MGMT: variants seen among roughly 807,000 people sequenced by gnomAD.
The protein encoded by MGMT is O-6-methylguanine-DNA methyltransferase, also known as methylated-DNA--protein-cysteine methyltransferase.
In MGMT, 14 loss-of-function variants were observed where a neutral mutation model predicts 15.9. The observed-to-expected ratio is 0.88, with a 90% CI of 0.58 to 1.37. The LOEUF is 1.37. Among genes scored for constraint, MGMT ranks in the 40% most tolerant of loss-of-function variants. The pLI is 0.00. For synonymous variants in MGMT, 130 were observed against 118.2 expected (o/e 1.10, Z -0.65); for missense variants, 282 against 268.1 (o/e 1.05, Z -0.36).
chr10:129,562,257 G>A (rs899050450), intron 2 of MGMT, among the ~76,000 whole-genome samples: 7 of 152,176 alleles, frequency 4.6e-5, no homozygotes, highest in African/African-American at 1.2e-4. Flanking sequence ...TTGATAGAGC[G>A]TTGAAAACTC....
chr10:129,619,413 T>A (rs1429062584), intron 2 of MGMT, among the ~76,000 whole-genome samples: 1 of 152,218 alleles, frequency 6.6e-6, no homozygotes, highest in Non-Finnish European at 1.5e-5. Flanking sequence ...TAATGCTGGT[T>A]ATATTTGCTA....
At chr10:129,745,371 C>A (rs1047231314) in intron 3 of MGMT, among the ~76,000 whole-genome samples, 4 of 152,036 alleles carry the variant, frequency 2.6e-5, no homozygotes, top group African/African-American at 9.7e-5. Flanking sequence ...ACCTGGACAC[C>A]CCCACGCCGC....
intron 2 of MGMT, among the ~76,000 whole-genome samples, chr10:129,553,302 C>T (rs1397671407): frequency 6.6e-6 from 1 of 152,176 alleles, no homozygotes; most frequent in Non-Finnish European, 1.5e-5. Flanking sequence ...GTATCATTTT[C>T]ACAAAGTCAG....
At chr10:129,715,653 T>C (rs913711845) in intron 3 of MGMT, 3 of 152,222 alleles carry the variant, frequency 2.0e-5, no homozygotes, top group African/African-American at 4.8e-5. Flanking sequence ...AGTAGAATTA[T>C]CTCCACTACC....
intron 1 of MGMT, among the ~76,000 whole-genome samples, chr10:129,528,490 C>T (rs1488575334): frequency 7.5e-5 from 11 of 147,154 alleles, no homozygotes; most frequent in African/African-American, 2.6e-4. Context: ...GAAGCGAGAG[C>T]GAGGCTGGAG....
At chr10:129,528,588 G>A (rs1480108231) in intron 1 of MGMT, among the ~76,000 whole-genome samples, 9 of 151,950 alleles carry the variant, frequency 5.9e-5, no homozygotes, top group East Asian at 3.9e-4. Context: ...TGGCCCTGCC[G>A]AATTTGGGAC....
chr10:129,627,682 C>T (rs571741855), intron 2 of MGMT, among the ~76,000 whole-genome samples: 2 of 152,290 alleles, frequency 1.3e-5, no homozygotes, highest in Middle Eastern at 3.4e-3. Context: ...AGCCTTTTTC[C>T]ACCATGCTTC....
chr10:129,480,817 C>A (rs74162163), intron 1 of MGMT, among the ~76,000 whole-genome samples: 3 of 152,290 alleles, frequency 2.0e-5, no homozygotes, highest in East Asian at 1.9e-4. Context: ...AGAAAACATC[C>A]GCCAGATATG....
Position 129,532,709 on chromosome 10 carries a change from T to C in MGMT, c.-12-3532T>C, listed in dbSNP as rs1485545290. Reference sequence around the variant, plus strand: ...CTGTGCAGAATGGCGTGACAGCCCTTCCAGCCCGTCACGGTGTGTAGTGCC... The same window carrying C: ...CTGTGCAGAATGGCGTGACAGCCCTCCCAGCCCGTCACGGTGTGTAGTGCC... On this transcript the variant is annotated intron_variant, in intron 1 of 4. Coordinates refer to ENST00000651593, the MANE Select transcript of MGMT (RefSeq NM_002412.5). This position sits in a 1 kb window ranked among gnomAD's most constrained non-coding sequence, Gnocchi z 5.3. 9.2e-5 allele frequency among the ~76,000 whole-genome samples: 14 copies of C among 152,128 alleles called. No homozygotes were observed. In the East Asian group the frequency reaches 2.7e-3, roughly 29 times the overall value.
chr10:129,701,253 C>A (rs1848095997), intron 2 of MGMT: 1 of 152,178 alleles, frequency 6.6e-6, no homozygotes, highest in African/African-American at 2.4e-5. Flanking sequence ...CCTTGGGTGA[C>A]CCTCCAGGGT....
chr10:129,564,442 T>TTCTTCCTCTCTCTCCCCTTCC, intron 2 of MGMT, among the ~76,000 whole-genome samples: 1 of 70,706 alleles, frequency 1.4e-5, no homozygotes, highest in Non-Finnish European at 2.7e-5. Context: ...CTTCCCCTTC[T>TTCTTCCTCTCTCTCCCCTTCC]TCTTCCTCTC....
At chr10:129,629,748 C>G (rs545267229) in intron 2 of MGMT, among the ~76,000 whole-genome samples, 1 of 152,258 alleles carries the variant, frequency 6.6e-6, no homozygotes, top group South Asian at 2.1e-4. Flanking sequence ...GAGGATGTTT[C>G]CCCATCCATC....
At chr10:129,524,359 G>A (rs530156226) in intron 1 of MGMT, among the ~76,000 whole-genome samples, 3 of 152,202 alleles carry the variant, frequency 2.0e-5, no homozygotes, top group Non-Finnish European at 2.9e-5. Context: ...GCTGCAGGAC[G>A]CACAGTGTTT....
Position 129,745,151 on chromosome 10 carries a change from C to T in MGMT, c.275-14051C>T, listed in dbSNP as rs1163988399. ...CCCTTTTAAATAGGAAATACTGGTCCCTAGTGTCTTGAACTTTGGGGAGAA... is the reference window on the plus strand; with the variant it reads ...CCCTTTTAAATAGGAAATACTGGTCTCTAGTGTCTTGAACTTTGGGGAGAA... On this transcript the variant is annotated intron_variant, in intron 3 of 4. Coordinates refer to ENST00000651593, the MANE Select transcript of MGMT (RefSeq NM_002412.5). Among the ~76,000 whole-genome samples the T allele has an allele frequency of 2.0e-5, 3 of 151,970 alleles. 1 individual carries two copies. The South Asian group carries it at 6.2e-4, about 32-fold the overall frequency.
intron 2 of MGMT, 63 bp from the exon 3 acceptor site, chr10:129,707,832 G>C: frequency 6.2e-7 from 1 of 1,602,014 alleles, no homozygotes; most frequent in Non-Finnish European, 8.5e-7. Flanking sequence ...GTAGGTGTTT[G>C]CTTTTCCGAT....
intron 2 of MGMT, among the ~76,000 whole-genome samples, chr10:129,689,423 A>G (rs546943390): frequency 1.3e-5 from 2 of 152,288 alleles, no homozygotes; most frequent in African/African-American, 2.4e-5. Flanking sequence ...ACTTTTTTCA[A>G]TCATGTACAT....
intron 2 of MGMT, among the ~76,000 whole-genome samples, chr10:129,625,731 G>T (rs1169405130): frequency 3.1e-4 from 1 of 3,220 alleles, no homozygotes; most frequent in East Asian, 0.5. Context: ...GCACACGTGT[G>T]TGTGCGTGTG....
At chr10:129,501,725 C>T (rs1845576431) in intron 1 of MGMT, among the ~76,000 whole-genome samples, 1 of 152,194 alleles carries the variant, frequency 6.6e-6, no homozygotes, top group Admixed American at 6.5e-5. Context: ...ATTCCGAGGA[C>T]TCTAAACATG....
intron 3 of MGMT, chr10:129,717,830 G>A (rs1405349387): frequency 1.3e-5 from 2 of 152,126 alleles, no homozygotes; most frequent in East Asian, 3.9e-4. Flanking sequence ...ATCAGAAGGT[G>A]GTGTTTATTT....
Sources: gnomAD v4.1 joint callset for allele counts (sites outside exome capture counted in the v4.1 genomes callset) on GRCh38, gnomAD v4.1.1 for gene constraint, Gnocchi (gnomAD v3.1) non-coding constraint, MANE v1.5 for transcripts, NCBI Gene and HGNC (gene_info 2026-07-23, HGNC 2026-07-21) for gene names.